Variants in ARHGAP18 observed in about 807,000 individuals in gnomAD.
ARHGAP18 encodes Rho GTPase activating protein 18.
Under a neutral mutation model 86.2 loss-of-function variants are expected in ARHGAP18, and 67 were observed. The observed-to-expected ratio is 0.78, with a 90% CI of 0.64 to 0.95. The LOEUF (loss-of-function observed/expected upper bound fraction) is 0.95, where lower values mean the gene tolerates loss of function less well. Among genes scored for constraint, ARHGAP18 ranks in the 40% least tolerant of loss-of-function variants. ARHGAP18 has a pLI of 0.00. For missense variants in ARHGAP18, 691 were observed against 780.4 expected (o/e 0.89, Z 1.37); for synonymous variants, 283 against 280.4 (o/e 1.01, Z -0.09).
intron 7 of ARHGAP18, among the ~76,000 whole-genome samples, chr6:129,613,927 G>GA (rs1789036876): frequency 6.6e-6 from 1 of 151,860 alleles, no homozygotes; most frequent in African/African-American, 2.4e-5. Flanking sequence ...TATGTGAATT[G>GA]AAAAATGAAA....
rs145100606 is a variant in ARHGAP18, at chr6:129,611,629, A to G, written c.1045-19T>C. ...AAATCAGCTGTGCATAAACAGAGAA[A>G]CATTCTAATTTCCGTATTTGTAACA... is the stretch of plus-strand genomic sequence containing the variant. On this transcript the variant is annotated intron_variant, in intron 7 of 14. Transcript: ENST00000368149. 1.2e-6 allele frequency: 2 copies of G among 1,607,860 alleles called. No homozygotes were observed. Among genetic ancestry groups the G allele is most frequent in the Non-Finnish European group, 1.7e-6 (2 of 1,174,990 alleles).
intron 8 of ARHGAP18, 85 bp from the exon 9 acceptor site, chr6:129,608,137 C>A: frequency 2.2e-6 from 3 of 1,393,268 alleles, no homozygotes; most frequent in Non-Finnish European, 1.9e-6. Flanking sequence ...GACACATTTT[C>A]ACTTTCAAGA....
rs888854307 is a variant in ARHGAP18 at position 129,610,650 on chromosome 6, C to G, written c.1122+883G>C. On this transcript the variant is annotated intron_variant, in intron 8 of 14. Transcript: ENST00000368149. ...TTTTTCTTTTTTTTTTCTTTTGAGA[C>G]GAAGTCTCGCACTGTTGCCCGGGCT... Among the ~76,000 whole-genome samples, 10 of 151,880 alleles carry G rather than the reference C, an allele frequency of 6.6e-5. No individual in the cohort carries two copies. In the South Asian group the frequency reaches 2.1e-3, roughly 32 times the overall value.
chr6:129,641,129 A>G (rs995243129), intron 2 of ARHGAP18, among the ~76,000 whole-genome samples: 3 of 152,226 alleles, frequency 2.0e-5, no homozygotes, highest in Admixed American at 2.0e-4. Flanking sequence ...TTGGCTAAAC[A>G]TGAGCCGTTG....
chr6:129,584,049 T>C lies in ARHGAP18; in HGVS notation c.1777A>G (p.Ile593Val), dbSNP rs754508624. The change falls in exon 13 of 15, where the codon ATA becomes GTA. Residue 593 changes from isoleucine to valine, a missense_variant. Transcript: ENST00000368149. ...GCTTTTAGTTCTTCAGTTAGCTGTA[T>C]TGCCATGGAAACTTTCGAAAGATGG... The part of the protein sequence containing the change: ...APHLSKVSMA[I>V]QLTEELKASD... 7 of 1,613,736 alleles carry C rather than the reference T, an allele frequency of 4.3e-6. No homozygotes were observed. Among genetic ancestry groups the C allele is most frequent in the Admixed American group, 3.3e-5 (2 of 59,966 alleles).
chr6:129,594,800 G>A lies in ARHGAP18; in HGVS notation c.1713+4416C>T, dbSNP rs187630316. 1.1e-4 allele frequency among the ~76,000 whole-genome samples: 16 copies of A among 152,140 alleles called. No individual in the cohort carries two copies. In the East Asian group the frequency reaches 1.7e-3, roughly 17 times the overall value. On this transcript the variant is annotated intron_variant, in intron 12 of 14. Coordinates refer to ENST00000368149, the MANE Select transcript of ARHGAP18 (RefSeq NM_033515.3). ...TTGGCTCACATTCTAAACTTCTTTC[G>A]ATTCTCAACTGGGCCTTGGCTCTAG...
intron 2 of ARHGAP18, among the ~76,000 whole-genome samples, chr6:129,640,567 A>G (rs1048700358): frequency 1.1e-4 from 16 of 152,222 alleles, no homozygotes; most frequent in African/African-American, 3.9e-4. Context: ...AGTTAACCGT[A>G]GTGTTTTTAG....
chr6:129,690,124 C>CGT (rs142057840), intron 1 of ARHGAP18, among the ~76,000 whole-genome samples: 34,317 of 150,078 alleles, frequency 0.23, 4,683 homozygotes, highest in Non-Finnish European at 0.31. Flanking sequence ...CCCATGTAAA[C>CGT]GTGTGTGTGT....
chr6:129,647,177 G>A (rs531545065), intron 1 of ARHGAP18, among the ~76,000 whole-genome samples: 4 of 152,112 alleles, frequency 2.6e-5, no homozygotes, highest in African/African-American at 9.6e-5. Flanking sequence ...TTAATCATTT[G>A]CTGGTGTCCA....
chr6:129,616,138 T>C lies in ARHGAP18; in HGVS notation c.1044+74A>G, dbSNP rs1789092649. ...GTATATGAATTGGAAAACTGTATTA[T>C]AATAATATGAATACAAAAACCACTA... On this transcript the variant is annotated intron_variant, in intron 7 of 14. Coordinates refer to ENST00000368149, the MANE Select transcript of ARHGAP18 (RefSeq NM_033515.3). The C allele has an allele frequency of 5.1e-6, 6 of 1,183,988 alleles. No homozygotes were observed. The East Asian group carries it at 9.6e-5, about 19-fold the overall frequency. The allele number at this position is 1,183,988 out of a possible 1,614,324, so 73.3% of individuals were successfully genotyped here.
chr6:129,670,307 C>T (rs550236275), intron 1 of ARHGAP18, among the ~76,000 whole-genome samples: 6 of 152,320 alleles, frequency 3.9e-5, no homozygotes, highest in African/African-American at 1.4e-4. Flanking sequence ...ATTATTTTGA[C>T]ATTCCCACTT....
chr6:129,664,976 G>A (rs962645577), intron 1 of ARHGAP18, among the ~76,000 whole-genome samples: 6 of 152,186 alleles, frequency 3.9e-5, no homozygotes, highest in African/African-American at 7.2e-5. Flanking sequence ...GCAGATATCC[G>A]GGTATAGACT....
intron 1 of ARHGAP18, among the ~76,000 whole-genome samples, chr6:129,682,546 C>T (rs1358934409): frequency 6.6e-6 from 1 of 151,796 alleles, no homozygotes; most frequent in Non-Finnish European, 1.5e-5. Context: ...GTTACTGAAA[C>T]ACAGACTTCT....
intron 1 of ARHGAP18, among the ~76,000 whole-genome samples, chr6:129,688,934 A>C (rs1774479921): frequency 6.6e-6 from 1 of 152,202 alleles, no homozygotes; most frequent in African/African-American, 2.4e-5. Flanking sequence ...ACTATTGTCT[A>C]ATATAAAAAC....
At chr6:129,700,204 C>G (rs1774688627) in intron 1 of ARHGAP18, among the ~76,000 whole-genome samples, 1 of 152,202 alleles carries the variant, frequency 6.6e-6, no homozygotes, top group Admixed American at 6.5e-5. Context: ...TTCTCAAATA[C>G]TTAGCTATAA....
At chr6:129,621,242 C>T (rs1163588931) in intron 5 of ARHGAP18, among the ~76,000 whole-genome samples, 2 of 152,126 alleles carry the variant, frequency 1.3e-5, no homozygotes, top group Admixed American at 6.5e-5. Flanking sequence ...GAGTCAGTCT[C>T]CTACAGCAAC....
At chr6:129,614,317 T>A (rs1188137935) in intron 7 of ARHGAP18, among the ~76,000 whole-genome samples, 2 of 151,928 alleles carry the variant, frequency 1.3e-5, no homozygotes, top group Non-Finnish European at 2.9e-5. Flanking sequence ...AAATCAAAAC[T>A]TTTTTTGTGA....
At chr6:129,637,049 T>C (rs950394248) in intron 3 of ARHGAP18, among the ~76,000 whole-genome samples, 1 of 152,058 alleles carries the variant, frequency 6.6e-6, no homozygotes, top group African/African-American at 2.4e-5. Context: ...GTTCTTGTAC[T>C]GTTTTGTTGT....
At chr6:129,629,231 C>CTG in intron 5 of ARHGAP18, 122 bp downstream of exon 5, 1 of 845,078 alleles carries the variant, frequency 1.2e-6, no homozygotes, top group Non-Finnish European at 1.6e-6. Context: ...CTCTGTCTGT[C>CTG]TGTCTCTCTC....
Sources: allele counts gnomAD v4.1 joint callset (sites outside exome capture counted in the v4.1 genomes callset), GRCh38; gene constraint gnomAD v4.1.1; transcripts MANE v1.5; gene names NCBI Gene and HGNC (gene_info 2026-07-23, HGNC 2026-07-21).